ZNF407: variants seen among roughly 807,000 people sequenced by gnomAD.
ZNF407 encodes zinc finger protein 407.
In ZNF407, 17 loss-of-function variants were observed where a neutral mutation model predicts 131.2. The observed-to-expected ratio is 0.13, with a 90% confidence interval of 0.09 to 0.19. ZNF407 has a LOEUF of 0.19. Ranked by LOEUF, ZNF407 falls within the 10% of genes least tolerant of loss-of-function variation. The probability of loss-of-function intolerance (pLI) is 1.00; values close to 1 mark genes in which losing one functional copy is unlikely to be tolerated. For synonymous variants in ZNF407, 1,156 were observed against 1,062.0 expected (o/e 1.09, Z -1.72); for missense variants, 2,681 against 2,830.6 (o/e 0.95, Z 1.20).
intron 8 of ZNF407, among the ~76,000 whole-genome samples, chr18:75,012,278 A>ACAG (rs1972983981): frequency 8.5e-6 from 1 of 116,990 alleles, no homozygotes; most frequent in African/African-American, 3.1e-5. Context: ...GTATGTACAC[A>ACAG]TAGTGTATGT....
chr18:74,814,741 G>C (rs987638483), intron 4 of ZNF407, among the ~76,000 whole-genome samples: 1 of 151,968 alleles, frequency 6.6e-6, no homozygotes, highest in Non-Finnish European at 1.5e-5. Flanking sequence ...ATCTTACTGC[G>C]TAAAATTTTT....
rs934866760 is a variant in ZNF407 at position 75,064,488 on chromosome 18, C to T, written c.*20C>T. On this transcript the variant is annotated 3_prime_UTR_variant, in exon 9 of 9. Transcript: ENST00000299687. Reference sequence around the variant, plus strand: ...GCATGAGACGCGCGGCACCTTTACTCAGCACAGGGCAGGTGTGGGAAGGTC... The same window carrying T: ...GCATGAGACGCGCGGCACCTTTACTTAGCACAGGGCAGGTGTGGGAAGGTC... The T allele has an allele frequency of 8.9e-6, 13 of 1,455,914 alleles. 1 individual carries two copies. Among genetic ancestry groups the T allele is most frequent in the East Asian group, 5.0e-5 (2 of 40,044 alleles). The allele number at this position is 1,455,914 out of a possible 1,614,324, so 90.2% of individuals were successfully genotyped here.
intron 3 of ZNF407, among the ~76,000 whole-genome samples, chr18:74,709,982 T>C (rs1967718539): frequency 6.6e-6 from 1 of 152,222 alleles, no homozygotes; most frequent in African/African-American, 2.4e-5. Flanking sequence ...TTAAACAGTA[T>C]ATTTTTAAAA....
intron 3 of ZNF407, among the ~76,000 whole-genome samples, chr18:74,723,673 G>C (rs1336303154): frequency 6.6e-6 from 1 of 152,124 alleles, no homozygotes; most frequent in Non-Finnish European, 1.5e-5. Context: ...TGTTGGAGCA[G>C]TTACCCTCTG....
intron 8 of ZNF407, among the ~76,000 whole-genome samples, chr18:75,005,431 T>G (rs2122168912): frequency 6.6e-6 from 1 of 152,292 alleles, no homozygotes; most frequent in African/African-American, 2.4e-5. Flanking sequence ...CAAACTTAGC[T>G]GGCGTATTTT....
intron 4 of ZNF407, among the ~76,000 whole-genome samples, chr18:74,870,945 G>A (rs1172377475): frequency 6.6e-6 from 1 of 152,192 alleles, no homozygotes; most frequent in African/African-American, 2.4e-5. Context: ...TTGTATGAAA[G>A]TGTGCTTAAA....
chr18:75,019,766 C>T (rs1239203334), intron 8 of ZNF407, among the ~76,000 whole-genome samples: 2 of 152,090 alleles, frequency 1.3e-5, no homozygotes, highest in Non-Finnish European at 2.9e-5. Context: ...GGGGAGGCCT[C>T]AGGAAACTTA....
intron 4 of ZNF407, among the ~76,000 whole-genome samples, chr18:74,829,582 T>C (rs1472580173): frequency 6.6e-6 from 1 of 152,272 alleles, no homozygotes; most frequent in East Asian, 1.9e-4. Flanking sequence ...GTACAGGCTT[T>C]GCTAAATTTT....
chr18:74,907,009 A>T (rs1283654534), intron 7 of ZNF407, among the ~76,000 whole-genome samples: 2 of 152,198 alleles, frequency 1.3e-5, no homozygotes, highest in African/African-American at 2.4e-5. Context: ...AATCTTATGT[A>T]TACATATATG....
chr18:74,627,401 CTTTCT>C (rs1317079459), intron 1 of ZNF407, among the ~76,000 whole-genome samples: 1 of 152,148 alleles, frequency 6.6e-6, no homozygotes, highest in African/African-American at 2.4e-5. Context: ...GTGCATGATT[CTTTCT>C]TTCTTCCTTT....
chr18:74,858,660 C>G (rs1426729702), intron 4 of ZNF407, among the ~76,000 whole-genome samples: 2 of 152,204 alleles, frequency 1.3e-5, no homozygotes, highest in Non-Finnish European at 2.9e-5. Context: ...CCTGTTCAGT[C>G]ATCTTCCACT....
intron 8 of ZNF407, among the ~76,000 whole-genome samples, chr18:74,977,088 A>T (rs567607028): frequency 6.6e-6 from 1 of 152,244 alleles, no homozygotes; most frequent in African/African-American, 2.4e-5. Flanking sequence ...TTAAATCTCC[A>T]TGTTTATGTG....
intron 3 of ZNF407, among the ~76,000 whole-genome samples, chr18:74,729,896 A>C (rs533908210): frequency 6.6e-6 from 1 of 152,224 alleles, no homozygotes; most frequent in African/African-American, 2.4e-5. Context: ...AGGTAATTTG[A>C]TCATAGAATT....
chr18:75,028,629 C>G (rs1375355054), intron 8 of ZNF407, among the ~76,000 whole-genome samples: 1 of 152,168 alleles, frequency 6.6e-6, no homozygotes, highest in Non-Finnish European at 1.5e-5. Context: ...CTTTTAGAAA[C>G]ACTGAACGTC....
intron 8 of ZNF407, among the ~76,000 whole-genome samples, chr18:74,990,241 C>T (rs1447069813): frequency 6.6e-6 from 1 of 152,136 alleles, no homozygotes; most frequent in Non-Finnish European, 1.5e-5. Context: ...TTAGTTCCTT[C>T]TGCGAATCTG....
chr18:74,992,035 A>G (rs1323865266), intron 8 of ZNF407, among the ~76,000 whole-genome samples: 4 of 152,158 alleles, frequency 2.6e-5, no homozygotes, highest in African/African-American at 7.2e-5. Flanking sequence ...ACTCCTCACA[A>G]TGGAACTGCC....
chr18:75,016,595 T>C (rs1306936542), intron 8 of ZNF407, among the ~76,000 whole-genome samples: 2 of 152,148 alleles, frequency 1.3e-5, no homozygotes, highest in Non-Finnish European at 2.9e-5. Flanking sequence ...AAAGTTCTTA[T>C]GTTCCAACCT....
chr18:74,700,925 A>C (rs1967478063), intron 3 of ZNF407, among the ~76,000 whole-genome samples: 1 of 152,152 alleles, frequency 6.6e-6, no homozygotes, highest in South Asian at 2.1e-4. Context: ...TGTGTCCCTG[A>C]AAAATTTGTA....
intron 8 of ZNF407, chr18:75,062,653 A>T (rs8089048): frequency 0.12 from 17,531 of 152,396 alleles, 1,060 homozygotes; most frequent in South Asian, 0.17. Context: ...ATTTTTTAAA[A>T]TTTAATATGC....
Sources: gnomAD v4.1 joint callset for allele counts (sites outside exome capture counted in the v4.1 genomes callset) on GRCh38, gnomAD v4.1.1 for gene constraint, MANE v1.5 for transcripts, NCBI Gene and HGNC (gene_info 2026-07-23, HGNC 2026-07-21) for gene names.